Variants in ZMIZ1 observed in about 807,000 individuals in gnomAD.
ZMIZ1 encodes the protein zinc finger MIZ domain-containing protein 1.
In ZMIZ1, 17 loss-of-function variants were observed where a neutral mutation model predicts 113.9. The ratio of observed to expected loss-of-function variants is 0.15; its 90% CI spans 0.10 to 0.22. ZMIZ1 has a LOEUF of 0.22. ZMIZ1 is among the 10% of genes least tolerant of loss of function. The pLI is 1.00. For synonymous variants in ZMIZ1, 607 were observed against 603.1 expected, an observed-to-expected ratio of 1.01 and a Z score of -0.09; for missense variants, 1,059 against 1,477.8, an observed-to-expected ratio of 0.72 and a Z score of 4.65.
At chr10:79,240,034 A>G (rs1849749733) in intron 7 of ZMIZ1, among the ~76,000 whole-genome samples, 1 of 152,210 alleles carries the variant, frequency 6.6e-6, no homozygotes. Flanking sequence ...GCCGTGATTT[A>G]TCGGCGGCTC....
intron 4 of ZMIZ1, among the ~76,000 whole-genome samples, chr10:79,178,153 G>C (rs1846949834): frequency 6.6e-6 from 1 of 152,160 alleles, no homozygotes; most frequent in South Asian, 2.1e-4. Context: ...AGCTTGGCCG[G>C]GACCCTCATG....
rs942849986 is a variant in ZMIZ1 at position 79,288,146 on chromosome 10, G to A, written c.426-1629G>A. On this transcript the variant is annotated intron_variant, in intron 8 of 24. Coordinates refer to ENST00000334512, the MANE Select transcript of ZMIZ1 (RefSeq NM_020338.4). ...TGTGGTCCTGCCCTCCAGGCTGGTC[G>A]CCTCTGCAGGAGCCCGTCAGACTTG... Among the ~76,000 whole-genome samples the A allele has an allele frequency of 3.3e-5, 5 of 152,356 alleles. No homozygotes were observed. In the East Asian group the frequency reaches 5.8e-4, roughly 18 times the overall value.
At chr10:79,070,218 A>G (rs1417073896) in intron 1 of ZMIZ1, among the ~76,000 whole-genome samples, 1 of 151,442 alleles carries the variant, frequency 6.6e-6, no homozygotes, top group Non-Finnish European at 1.5e-5. Flanking sequence ...AACAGTGGGG[A>G]GCGCGGCCTC....
intron 1 of ZMIZ1, among the ~76,000 whole-genome samples, chr10:79,086,649 C>T (rs1589255179): frequency 6.6e-6 from 1 of 152,184 alleles, no homozygotes; most frequent in Non-Finnish European, 1.5e-5. Flanking sequence ...GCTGGGACTA[C>T]CGGCACGAGC....
At chr10:79,311,354 A>G (rs897143163) in intron 24 of ZMIZ1, among the ~76,000 whole-genome samples, 170 bp downstream of exon 24, 7 of 152,120 alleles carry the variant, frequency 4.6e-5, no homozygotes, top group Admixed American at 1.3e-4. Context: ...ATGATGGGGA[A>G]GTGTCACCAC....
intron 7 of ZMIZ1, among the ~76,000 whole-genome samples, chr10:79,270,536 G>A (rs1028832781): frequency 4.6e-5 from 7 of 152,208 alleles, no homozygotes; most frequent in African/African-American, 1.2e-4. Flanking sequence ...ATGCGCCGCC[G>A]ATCATACTAT....
chr10:79,142,956 G>A (rs74141770), intron 3 of ZMIZ1, among the ~76,000 whole-genome samples: 6,319 of 152,266 alleles, frequency 0.041, 378 homozygotes, highest in African/African-American at 0.14. Context: ...CCCAGGCCGC[G>A]AGTGAGTGTC....
In ZMIZ1 at chr10:79,085,483, C is replaced by G. The variant is rs553555807; in HGVS notation, c.-337+16213C>G. On this transcript the variant is annotated intron_variant, in intron 1 of 24. Transcript: ENST00000334512. ...CTGACTCCTGCCTGGCACTCAGGTG[C>G]CGTCTGGCCTGCACCAGACCCAGAA... Among the ~76,000 whole-genome samples the G allele has an allele frequency of 9.8e-5, 15 of 152,344 alleles. No homozygotes were observed. The South Asian group carries it at 3.1e-3, about 32-fold the overall frequency.
chr10:79,175,439 G>A (rs1846786999), intron 4 of ZMIZ1, among the ~76,000 whole-genome samples: 2 of 152,092 alleles, frequency 1.3e-5, no homozygotes, highest in South Asian at 4.1e-4. Context: ...CTCTCACTTG[G>A]GTTTGTCCTG....
At chr10:79,182,051 C>T (rs1278350255) in intron 4 of ZMIZ1, among the ~76,000 whole-genome samples, 1 of 152,186 alleles carries the variant, frequency 6.6e-6, no homozygotes, top group Non-Finnish European at 1.5e-5. Context: ...GAAGGATGGG[C>T]TGGTCCCTGG....
At position 79,290,952 on chromosome 10, in the gene ZMIZ1, C is replaced by T. The variant is rs1001805153; in HGVS notation, c.541-7C>T. The T allele has an allele frequency of 3.1e-6, 5 of 1,612,102 alleles. No individual in the cohort carries two copies. In the South Asian group the frequency reaches 5.5e-5, roughly 18 times the overall value. The stretch of plus-strand genomic sequence containing the variant: ...ACCTTAGGTGACAACCACTTCTCTG[C>T]CCACAGGTCCTTGGGAACCCTATGG... On this transcript the variant is annotated splice_region_variant and splice_polypyrimidine_tract_variant and intron_variant, in intron 9 of 24. Coordinates refer to ENST00000334512, the MANE Select transcript of ZMIZ1 (RefSeq NM_020338.4).
intron 4 of ZMIZ1, among the ~76,000 whole-genome samples, chr10:79,167,311 C>T (rs1846397596): frequency 6.6e-6 from 1 of 152,172 alleles, no homozygotes; most frequent in African/African-American, 2.4e-5. Flanking sequence ...CTTCATCATA[C>T]TAAGTCTTTG....
intron 7 of ZMIZ1, among the ~76,000 whole-genome samples, chr10:79,247,068 C>T (rs1468443112): frequency 1.3e-5 from 2 of 152,248 alleles, no homozygotes; most frequent in Admixed American, 1.3e-4. Flanking sequence ...GAGGTGCCCA[C>T]TCCCCCAGCA....
At chr10:79,216,452 C>A in intron 7 of ZMIZ1, 178 bp downstream of exon 7, 1 of 520,786 alleles carries the variant, frequency 1.9e-6, no homozygotes, top group East Asian at 3.5e-5. Context: ...TGGGGCTGTC[C>A]TCGTGCCTCT....
chr10:79,110,407 C>T (rs1335846111), intron 1 of ZMIZ1, among the ~76,000 whole-genome samples: 1 of 152,196 alleles, frequency 6.6e-6, no homozygotes, highest in Non-Finnish European at 1.5e-5. Context: ...CACTAGGATA[C>T]CTATTAATGA....
At position 79,299,035 on chromosome 10, in the gene ZMIZ1, C is replaced by T. The variant is rs749418212; in HGVS notation, c.1667-15C>T. 13 of 1,597,746 alleles carry T rather than the reference C, an allele frequency of 8.1e-6. No individual in the cohort carries two copies. In the East Asian group the frequency reaches 2.9e-4, roughly 36 times the overall value. On this transcript the variant is annotated splice_polypyrimidine_tract_variant and intron_variant, in intron 15 of 24. Transcript: ENST00000334512. ...CTGAGGCTTGTGGCTCACCCACCTC[C>T]TCTCCTCGCCCCAGCCAACCACAAT...
intron 2 of ZMIZ1, among the ~76,000 whole-genome samples, chr10:79,138,134 G>A (rs1034332396): frequency 2.0e-5 from 3 of 152,230 alleles, no homozygotes; most frequent in Non-Finnish European, 4.4e-5. Flanking sequence ...GGAAAGGACA[G>A]AGAGCAGCAG....
chr10:79,071,936 T>G (rs896550012), intron 1 of ZMIZ1, among the ~76,000 whole-genome samples: 9 of 126,564 alleles, frequency 7.1e-5, no homozygotes, highest in Non-Finnish European at 1.1e-4. Flanking sequence ...CTCAAAAGTT[T>G]AGACTTCTGA....
intron 4 of ZMIZ1, among the ~76,000 whole-genome samples, chr10:79,175,675 C>G (rs1846828944): frequency 1.3e-5 from 2 of 151,082 alleles, no homozygotes; most frequent in African/African-American, 4.9e-5. Flanking sequence ...CCCCTGGCCA[C>G]CACACCCTTC....
Sources: allele counts gnomAD v4.1 joint callset (sites outside exome capture counted in the v4.1 genomes callset), GRCh38; gene constraint gnomAD v4.1.1; transcripts MANE v1.5; gene names NCBI Gene and HGNC (gene_info 2026-07-23, HGNC 2026-07-21).